NYAP2: variants seen among roughly 807,000 people sequenced by gnomAD.
NYAP2 encodes neuronal tyrosine-phosphorylated phosphoinositide-3-kinase adapter 2.
NYAP2 carries 23 observed loss-of-function variants against 50.4 expected under a neutral mutation model. The ratio of observed to expected loss-of-function variants is 0.46; its 90% CI spans 0.33 to 0.65. NYAP2 has a LOEUF of 0.65. NYAP2 is among the 30% of genes least tolerant of loss of function. NYAP2 has a pLI of 0.02. For synonymous variants in NYAP2, 394 were observed against 365.2 expected (o/e 1.08, Z -0.90); for missense variants, 885 against 861.0 (o/e 1.03, Z -0.35).
At chr2:225,539,210 T>C (rs936782626) in intron 4 of NYAP2, among the ~76,000 whole-genome samples, 3 of 152,240 alleles carry the variant, frequency 2.0e-5, no homozygotes, top group African/African-American at 7.2e-5. Flanking sequence ...TTCCATGCTG[T>C]ATATGTGCCA....
At chr2:225,401,078 C>G (rs1206794030) in intron 2 of NYAP2, 35 bp downstream of exon 2, 1 of 152,508 alleles carries the variant, frequency 6.6e-6, no homozygotes, top group African/African-American at 2.4e-5. Flanking sequence ...TCTAAGCATG[C>G]TAATCGAATC....
In NYAP2 at chr2:225,637,273, A is replaced by G. The variant is rs563589988; in HGVS notation, c.1828+10147A>G. ...TGATAAGGAGTATGAGTTCTCCGTT[A>G]TATTCATTTTTGTTACGCAACAGGA... On this transcript the variant is annotated intron_variant, in intron 6 of 6. Coordinates refer to ENST00000636099, the Ensembl canonical transcript of NYAP2. Among the ~76,000 whole-genome samples, 8 of 152,184 alleles carry G rather than the reference A, an allele frequency of 5.3e-5. No homozygotes were observed. In the South Asian group the frequency reaches 1.7e-3, roughly 32 times the overall value.
chr2:225,429,981 G>A (rs1408407029), intron 3 of NYAP2, among the ~76,000 whole-genome samples: 1 of 152,174 alleles, frequency 6.6e-6, no homozygotes, highest in Non-Finnish European at 1.5e-5. Context: ...CCTACAGTCA[G>A]GGCCTTTGCC....
intron 2 of NYAP2, among the ~76,000 whole-genome samples, chr2:225,408,330 A>G (rs1444927620): frequency 6.6e-6 from 1 of 152,068 alleles, no homozygotes; most frequent in East Asian, 1.9e-4. Context: ...GTTATATTAG[A>G]AATGTGTTTT....
At chr2:225,700,338 C>T in the NYAP2 span, 5 of 151,346 alleles carry the variant, frequency 3.3e-5, no homozygotes, top group South Asian at 2.1e-4. Flanking sequence ...TGTACATGAA[C>T]GAATACTCAG....
At chr2:225,463,279 T>TA (rs1689863162) in intron 3 of NYAP2, among the ~76,000 whole-genome samples, 1 of 152,262 alleles carries the variant, frequency 6.6e-6, no homozygotes, top group Admixed American at 6.5e-5. Context: ...AGCCCAGTTT[T>TA]ATCTGTGGCA....
At position 225,464,812 on chromosome 2, in the gene NYAP2, G is replaced by A. The variant is rs115708482; in HGVS notation, c.222-48559G>A. ...CAGATGTGCCCTCATTTTGCAAAGGGAAGAGACGATCATTGACTGAGCAGG... is the reference window on the plus strand; with the variant it reads ...CAGATGTGCCCTCATTTTGCAAAGGAAAGAGACGATCATTGACTGAGCAGG... On this transcript the variant is annotated intron_variant, in intron 3 of 6. Coordinates refer to ENST00000636099, the Ensembl canonical transcript of NYAP2. Among the ~76,000 whole-genome samples, 362 of 152,314 alleles carry A rather than the reference G, an allele frequency of 2.4e-3. 2 individuals carry two copies. The highest frequency in any genetic ancestry group is 8.2e-3 in the African/African-American group (342 of 41,566).
chr2:225,629,065 C>G (rs902472824), intron 6 of NYAP2, among the ~76,000 whole-genome samples: 1 of 152,112 alleles, frequency 6.6e-6, no homozygotes, highest in African/African-American at 2.4e-5. Flanking sequence ...AGGCAGAAAA[C>G]TCTCATTATC....
chr2:225,484,272 T>C (rs1690253402), intron 3 of NYAP2, among the ~76,000 whole-genome samples: 1 of 152,214 alleles, frequency 6.6e-6, no homozygotes, highest in South Asian at 2.1e-4. Context: ...AGAAGGATGG[T>C]GTTCCAACAT....
At chr2:225,600,902 C>A (rs114923058) in intron 5 of NYAP2, among the ~76,000 whole-genome samples, 3,729 of 152,134 alleles carry the variant, frequency 0.025, 62 homozygotes, top group Middle Eastern at 0.058. Flanking sequence ...TTTTTTAAGG[C>A]GGAATAATAT....
At chr2:225,675,377 ATAAG>A in the NYAP2 span, among the ~76,000 whole-genome samples, 1 of 152,122 alleles carries the variant, frequency 6.6e-6, no homozygotes, top group Non-Finnish European at 1.5e-5. Context: ...GCTCCGACTT[ATAAG>A]TGAGAACATG....
chr2:225,613,158 C>A (rs875536), intron 5 of NYAP2, among the ~76,000 whole-genome samples: 94,503 of 151,974 alleles, frequency 0.62, 30,083 homozygotes, highest in South Asian at 0.8. Flanking sequence ...AGTCCAAAAG[C>A]TTCAAAAGTA....
chr2:225,687,687 A>G, the NYAP2 span, among the ~76,000 whole-genome samples: 4 of 152,326 alleles, frequency 2.6e-5, no homozygotes, highest in African/African-American at 9.6e-5. Context: ...ACATGGATAC[A>G]TTTATAAATA....
At chr2:225,434,601 T>C (rs1181804355) in intron 3 of NYAP2, among the ~76,000 whole-genome samples, 1 of 152,160 alleles carries the variant, frequency 6.6e-6, no homozygotes, top group Non-Finnish European at 1.5e-5. Flanking sequence ...AACTTGGAGG[T>C]GCTGCATAAC....
At chr2:225,691,473 T>C in the NYAP2 span, among the ~76,000 whole-genome samples, 656 of 152,256 alleles carry the variant, frequency 4.3e-3, 5 homozygotes, top group African/African-American at 0.015. Context: ...TGGGCTGTAT[T>C]TGGCCAGTGG....
At chr2:225,479,814 A>G (rs1574635758) in intron 3 of NYAP2, among the ~76,000 whole-genome samples, 1 of 152,122 alleles carries the variant, frequency 6.6e-6, no homozygotes, top group South Asian at 2.1e-4. Flanking sequence ...ATTTTTTTCT[A>G]CATGTAATTT....
intron 3 of NYAP2, among the ~76,000 whole-genome samples, chr2:225,509,105 A>G (rs1487599704): frequency 6.6e-6 from 1 of 152,034 alleles, no homozygotes; most frequent in Non-Finnish European, 1.5e-5. Context: ...CTCCTCCATC[A>G]TTCATCCTAA....
intron 3 of NYAP2, among the ~76,000 whole-genome samples, chr2:225,484,806 G>C (rs1047442011): frequency 6.6e-6 from 1 of 152,230 alleles, no homozygotes; most frequent in African/African-American, 2.4e-5. Context: ...TGGTCTGGTG[G>C]TTTCCAAAGC....
chr2:225,605,614 C>T (rs1470111745), intron 5 of NYAP2, among the ~76,000 whole-genome samples: 1 of 151,952 alleles, frequency 6.6e-6, no homozygotes, highest in African/African-American at 2.4e-5. Flanking sequence ...TTAGATTTGG[C>T]AGCCAAGTTT....
Sources: allele counts gnomAD v4.1 joint callset (sites outside exome capture counted in the v4.1 genomes callset), GRCh38; gene constraint gnomAD v4.1.1; transcripts MANE v1.5; gene names NCBI Gene and HGNC (gene_info 2026-07-23, HGNC 2026-07-21).